Variants in PTK2B observed in about 807,000 individuals in gnomAD.
The protein encoded by PTK2B is protein tyrosine kinase 2 beta.
PTK2B carries 71 observed loss-of-function variants against 142.9 expected under a neutral mutation model. That is an observed-to-expected ratio of 0.50 (90% confidence interval 0.41 to 0.61). PTK2B has a LOEUF of 0.61. PTK2B is among the 20% of genes least tolerant of loss of function. PTK2B has a pLI of 0.00. For synonymous variants in PTK2B, 519 were observed against 503.4 expected (o/e 1.03, Z -0.42); for missense variants, 1,105 against 1,320.4 (o/e 0.84, Z 2.53).
intron 1 of PTK2B, among the ~76,000 whole-genome samples, chr8:27,343,145 G>A (rs1804510492): frequency 1.3e-5 from 2 of 152,188 alleles, no homozygotes; most frequent in South Asian, 4.1e-4. Context: ...CAACAAATAT[G>A]CGGGCTTTGA....
intron 5 of PTK2B, among the ~76,000 whole-genome samples, chr8:27,429,430 G>A (rs1810274681): frequency 6.6e-6 from 1 of 152,198 alleles, no homozygotes; most frequent in African/African-American, 2.4e-5. Context: ...GCCCAGACAG[G>A]GAAGGGAGGC....
chr8:27,450,951 C>G, intron 25 of PTK2B, 56 bp downstream of exon 25: 5 of 1,613,324 alleles, frequency 3.1e-6, no homozygotes, highest in Non-Finnish European at 4.2e-6. Flanking sequence ...CCTCTTCCAC[C>G]TCCCCAGGTG....
At chr8:27,440,784 C>A (rs1811112159) in intron 21 of PTK2B, among the ~76,000 whole-genome samples, 1 of 152,212 alleles carries the variant, frequency 6.6e-6, no homozygotes, top group Non-Finnish European at 1.5e-5. Context: ...TTTCCTCTCG[C>A]CTTGTCTCTC....
intron 1 of PTK2B, among the ~76,000 whole-genome samples, chr8:27,361,785 G>T (rs1805722765): frequency 6.6e-6 from 1 of 152,128 alleles, no homozygotes; most frequent in South Asian, 2.1e-4. Context: ...GTACAGTCCT[G>T]GGGTCCTCTG....
rs545670086 is a variant in PTK2B at position 27,447,148 on chromosome 8, C to T, written c.2340+1229C>T. On this transcript the variant is annotated intron_variant, in intron 24 of 30. Transcript: ENST00000346049. ...AGCATTGCCTTCGTCCAATTTCCTG[C>T]TTCTCCACAAGGACCTTGTTCAGTT... 4.6e-5 allele frequency among the ~76,000 whole-genome samples: 7 copies of T among 152,316 alleles called. 1 individual carries two copies. In the East Asian group the frequency reaches 9.6e-4, roughly 21 times the overall value.
At chr8:27,361,577 A>T (rs537027881) in intron 1 of PTK2B, among the ~76,000 whole-genome samples, 1 of 152,138 alleles carries the variant, frequency 6.6e-6, no homozygotes, top group South Asian at 2.1e-4. Context: ...AGGGTGGGAA[A>T]ATGGCCCCAG....
chr8:27,430,546 G>T (rs1230509465), intron 7 of PTK2B, 128 bp downstream of exon 7: 5 of 1,266,034 alleles, frequency 3.9e-6, no homozygotes, highest in Non-Finnish European at 4.5e-6. Context: ...TTTGGACACA[G>T]GACCACTAAA....
At chr8:27,336,984 C>T (rs1804107608) in intron 1 of PTK2B, among the ~76,000 whole-genome samples, 2 of 148,660 alleles carry the variant, frequency 1.3e-5, no homozygotes, top group African/African-American at 2.5e-5. Context: ...GTCCCCCCTC[C>T]CCCCGCCACT....
rs779892908 is a variant in PTK2B at position 27,454,605 on chromosome 8, G to A, written c.2808G>A (p.Arg936=). The change falls in exon 30 of 31, where the codon CGG becomes CGA. Residue 936 remains arginine, a synonymous_variant. Transcript: ENST00000346049. ...TGCCTTCCTTGCCGTCATCTTCACGGACAGAGGTGAGCGTCCCATTCCAGA... is the reference window on the plus strand; with the variant it reads ...TGCCTTCCTTGCCGTCATCTTCACGAACAGAGGTGAGCGTCCCATTCCAGA... ...DLLPSLPSSS[R]TEIEGTQKLL... is the part of the protein sequence containing the mutation. 1.1e-5 allele frequency: 17 copies of A among 1,613,888 alleles called. No individual in the cohort carries two copies. Among genetic ancestry groups the A allele is most frequent in the Admixed American group, 1.7e-5 (1 of 59,994 alleles).
chr8:27,426,809 T>G (rs1205516437), intron 5 of PTK2B, among the ~76,000 whole-genome samples: 1 of 152,206 alleles, frequency 6.6e-6, no homozygotes, highest in African/African-American at 2.4e-5. Context: ...AATAAAACAT[T>G]TTTCCATTCA....
chr8:27,430,120 T>C lies in PTK2B; in HGVS notation c.579T>C (p.Asn193=), dbSNP rs761667453. 2 of 1,614,026 alleles carry C rather than the reference T, an allele frequency of 1.2e-6. No individual in the cohort carries two copies. The highest frequency in any genetic ancestry group is 4.5e-5 in the East Asian group (2 of 44,870). The change falls in exon 6 of 31, where the codon AAT becomes AAC. Residue 193 remains asparagine (N), a synonymous_variant. Transcript: ENST00000346049. ...GGTTCTTCAAGGATATGCCCCACAA[T>C]GCACTTGACAAGAAGTCCAACTTCG... is the stretch of plus-strand genomic sequence containing the variant. ...LRRFFKDMPH[N]ALDKKSNFEL... is the part of the protein sequence containing the mutation.
chr8:27,311,309 C>G (rs1802958219), upstream of PTK2B: 2 of 1,430,032 alleles, frequency 1.4e-6, no homozygotes, highest in Non-Finnish European at 1.8e-6. Context: ...CCAACGCCCG[C>G]GACCCGAGTG....
intron 2 of PTK2B, among the ~76,000 whole-genome samples, chr8:27,411,814 C>G (rs1277455198): frequency 1.3e-5 from 2 of 152,190 alleles, no homozygotes; most frequent in African/African-American, 2.4e-5. Context: ...CCACAAGACT[C>G]CCTCCCCTTA....
intron 1 of PTK2B, among the ~76,000 whole-genome samples, chr8:27,335,106 T>C (rs1220339880): frequency 6.6e-6 from 1 of 152,100 alleles, no homozygotes; most frequent in African/African-American, 2.4e-5. Context: ...AAGGCAGAGA[T>C]TGACAGTTTT....
In PTK2B at chr8:27,451,723, C is replaced by G; in HGVS notation, c.2548+214C>G. 3 of 1,413,004 alleles carry G rather than the reference C, an allele frequency of 2.1e-6. No individual in the cohort carries two copies. In the South Asian group the frequency reaches 4.7e-5, roughly 22 times the overall value. 87.5% of individuals were successfully genotyped at this position (1,413,004 alleles called of 1,614,324 possible). A position where few individuals can be genotyped will look rare whatever the true frequency, so the allele number is the denominator to read the frequency against. Reference sequence around the variant, plus strand: ...CCTGCCTAGCACCCTGCCCTTCTCTCTCTCAGTGGCCACATCCTTAGGCCC... The same window carrying G: ...CCTGCCTAGCACCCTGCCCTTCTCTGTCTCAGTGGCCACATCCTTAGGCCC... On this transcript the variant is annotated intron_variant, in intron 27 of 30. Coordinates refer to ENST00000346049, the MANE Select transcript of PTK2B (RefSeq NM_173176.3).
intron 2 of PTK2B, among the ~76,000 whole-genome samples, chr8:27,409,132 CTCA>C (rs1248142975): frequency 2.6e-5 from 4 of 152,142 alleles, no homozygotes; most frequent in African/African-American, 9.7e-5. Context: ...CCCGAATGAC[CTCA>C]TTTTAACTCG....
At position 27,458,607 on chromosome 8, in the gene PTK2B, C is replaced by A. The variant is rs1029414562; in HGVS notation, c.*98C>A. ...CATGTGGGTCTTCCAGGGGGAAGGC[C>A]AAGGGGAGTCACCTTCCCTTGCCAC... On this transcript the variant is annotated 3_prime_UTR_variant, in exon 31 of 31. Transcript: ENST00000346049. 23 of 1,268,418 alleles carry A rather than the reference C, an allele frequency of 1.8e-5. No homozygotes were observed. The African/African-American group carries it at 3.3e-4, about 18-fold the overall frequency. The allele number at this position is 1,268,418 out of a possible 1,614,324, so 78.6% of individuals were successfully genotyped here. A position where few individuals can be genotyped will look rare whatever the true frequency, so the allele number is the denominator to read the frequency against.
At position 27,383,973 on chromosome 8, in the gene PTK2B, C is replaced by T. The variant is rs1465651084; in HGVS notation, c.-37-13575C>T. 3.3e-5 allele frequency among the ~76,000 whole-genome samples: 5 copies of T among 152,040 alleles called. No individual in the cohort carries two copies. In the East Asian group the frequency reaches 5.8e-4, roughly 18 times the overall value. On this transcript the variant is annotated intron_variant, in intron 1 of 30. Transcript: ENST00000346049. ...AAGCGATTCTCCTGCCTCAGCCTCC[C>T]GAGTAGCTGGGATTACAGGCATGAG...
chr8:27,412,711 T>A (rs1337693531), intron 2 of PTK2B, among the ~76,000 whole-genome samples: 1 of 152,204 alleles, frequency 6.6e-6, no homozygotes, highest in Non-Finnish European at 1.5e-5. Flanking sequence ...AGTCTCTTAA[T>A]GAATTTCAAC....
Sources: gnomAD v4.1 joint callset for allele counts (sites outside exome capture counted in the v4.1 genomes callset) on GRCh38, gnomAD v4.1.1 for gene constraint, MANE v1.5 for transcripts, NCBI Gene and HGNC (gene_info 2026-07-23, HGNC 2026-07-21) for gene names.